The following WWOX variants were observed in gnomAD, a reference collection of about 807,000 sequenced individuals.
WWOX encodes WW domain containing oxidoreductase, also known as WW domain-containing oxidoreductase.
WWOX carries 69 observed loss-of-function variants against 46.2 expected under a neutral mutation model. The observed-to-expected ratio is 1.49, with a 90% CI of 1.23 to 1.82. The LOEUF (loss-of-function observed/expected upper bound fraction) is 1.82, where lower values mean the gene tolerates loss of function less well. WWOX is among the 40% of genes most tolerant of loss of function. WWOX has a pLI of 0.00. For synonymous variants in WWOX, 359 were observed against 202.6 expected (o/e 1.77, Z -6.56); for missense variants, 919 against 542.6 (o/e 1.69, Z -6.89).
chr16:78,394,536 C>T (rs2082244979), intron 6 of WWOX, among the ~76,000 whole-genome samples: 1 of 152,202 alleles, frequency 6.6e-6, no homozygotes, highest in Admixed American at 6.5e-5. Context: ...TTATATAATA[C>T]TTAGAAAAAT....
At chr16:78,755,217 A>AGGGG in intron 8 of WWOX, among the ~76,000 whole-genome samples, 1 of 138,568 alleles carries the variant, frequency 7.2e-6, no homozygotes, top group Middle Eastern at 3.7e-3. Flanking sequence ...AAGTGAAAGG[A>AGGGG]AAAAAAAAAG....
chr16:78,549,430 C>T (rs1165006302), intron 8 of WWOX, among the ~76,000 whole-genome samples: 2 of 152,070 alleles, frequency 1.3e-5, no homozygotes, highest in Admixed American at 6.6e-5. Context: ...TAATGTAATT[C>T]CCCCCTTTAA....
rs184961806 is a variant in WWOX, at chr16:78,201,263, G to C, written c.516+36974G>C. On this transcript the variant is annotated intron_variant, in intron 5 of 8. Transcript: ENST00000566780. ...GTCTGTTAAGACACTTATTTTTTGAGAAGACAAATTAATATAACATTATTA... is the reference window on the plus strand; with the variant it reads ...GTCTGTTAAGACACTTATTTTTTGACAAGACAAATTAATATAACATTATTA... Among the ~76,000 whole-genome samples, 220 of 152,266 alleles carry C rather than the reference G, an allele frequency of 1.4e-3. 1 individual carries two copies. Among genetic ancestry groups the C allele is most frequent in the Middle Eastern group, 6.8e-3 (2 of 294 alleles).
intron 8 of WWOX, among the ~76,000 whole-genome samples, chr16:78,887,121 TG>T (rs2044480678): frequency 9.0e-6 from 1 of 111,570 alleles, no homozygotes; most frequent in African/African-American, 2.8e-5. Flanking sequence ...TGTGTGTGTG[TG>T]TGTGTGTGTG....
At chr16:78,928,156 A>G (rs1179784976) in intron 8 of WWOX, among the ~76,000 whole-genome samples, 1 of 151,136 alleles carries the variant, frequency 6.6e-6, no homozygotes, top group African/African-American at 2.4e-5. Context: ...TAAACCCATG[A>G]GTTTAATAAT....
chr16:78,987,844 T>G (rs2046811023), intron 8 of WWOX, among the ~76,000 whole-genome samples: 1 of 152,194 alleles, frequency 6.6e-6, no homozygotes, highest in Non-Finnish European at 1.5e-5. Context: ...CCTTGCTGTT[T>G]AAACAGTGAA....
chr16:79,163,792 C>G (rs1322779960), intron 8 of WWOX, among the ~76,000 whole-genome samples: 2 of 55,396 alleles, frequency 3.6e-5, no homozygotes, highest in African/African-American at 3.4e-4. Flanking sequence ...CAAAACTCCA[C>G]CTCAAAAAAA....
At chr16:78,401,203 T>C (rs1765140605) in intron 6 of WWOX, among the ~76,000 whole-genome samples, 2 of 152,190 alleles carry the variant, frequency 1.3e-5, no homozygotes, top group Admixed American at 1.3e-4. Context: ...ATTTCAAATA[T>C]TTTTGCAAGA....
chr16:78,795,805 A>AT (rs2050721319), intron 8 of WWOX, among the ~76,000 whole-genome samples: 1 of 152,168 alleles, frequency 6.6e-6, no homozygotes, highest in African/African-American at 2.4e-5. Flanking sequence ...ATGGAATGAG[A>AT]TATTGAGTAT....
intron 8 of WWOX, among the ~76,000 whole-genome samples, chr16:78,814,779 C>A (rs1423348112): frequency 6.6e-6 from 1 of 152,196 alleles, no homozygotes; most frequent in Non-Finnish European, 1.5e-5. Context: ...CAGCCAAGGC[C>A]TTCTGGTTGA....
chr16:78,485,456 T>A (rs995105601), intron 8 of WWOX, among the ~76,000 whole-genome samples: 4 of 152,210 alleles, frequency 2.6e-5, no homozygotes, highest in African/African-American at 4.8e-5. Context: ...CAAACTCTCT[T>A]TCTTCCTCCC....
intron 5 of WWOX, among the ~76,000 whole-genome samples, chr16:78,266,263 T>A (rs987118130): frequency 6.6e-6 from 1 of 152,236 alleles, no homozygotes; most frequent in African/African-American, 2.4e-5. Context: ...ATTTCAGTGT[T>A]CATAACTAAA....
intron 8 of WWOX, among the ~76,000 whole-genome samples, chr16:78,887,244 C>G (rs528070289): frequency 2.0e-5 from 3 of 152,016 alleles, no homozygotes; most frequent in South Asian, 2.1e-4. Flanking sequence ...ATTGTCATGA[C>G]TGTAAAATGC....
chr16:78,862,266 A>T (rs537133702), intron 8 of WWOX, among the ~76,000 whole-genome samples: 1 of 151,266 alleles, frequency 6.6e-6, no homozygotes, highest in Non-Finnish European at 1.5e-5. Context: ...GTCTGTACCT[A>T]TACACACCTA....
chr16:78,971,326 G>T (rs1315434348), intron 8 of WWOX, among the ~76,000 whole-genome samples: 1 of 150,032 alleles, frequency 6.7e-6, no homozygotes, highest in East Asian at 1.9e-4. Flanking sequence ...TAGGTGGCAG[G>T]CACTTGTAAT....
At chr16:78,645,447 G>A (rs1159215963) in intron 8 of WWOX, among the ~76,000 whole-genome samples, 1 of 152,156 alleles carries the variant, frequency 6.6e-6, no homozygotes, top group African/African-American at 2.4e-5. Context: ...CCTGAGCTGG[G>A]TCATTTACAA....
chr16:78,465,402 A>T (rs952128773), intron 8 of WWOX, among the ~76,000 whole-genome samples: 2 of 152,030 alleles, frequency 1.3e-5, no homozygotes, highest in African/African-American at 4.8e-5. Context: ...CCACTCTCCA[A>T]CTCCTAAGCT....
At chr16:78,620,463 A>G (rs531353231) in intron 8 of WWOX, among the ~76,000 whole-genome samples, 56 of 152,284 alleles carry the variant, frequency 3.7e-4, no homozygotes, top group Admixed American at 2.6e-3. Flanking sequence ...TGGTCCCTGG[A>G]TGGGAGAAGA....
chr16:78,132,458 G>A (rs1020289362), intron 4 of WWOX, among the ~76,000 whole-genome samples: 2 of 152,228 alleles, frequency 1.3e-5, no homozygotes, highest in African/African-American at 2.4e-5. Flanking sequence ...CTGTGGTCAA[G>A]TTTAATTGCT....
Sources: allele counts gnomAD v4.1 joint callset (sites outside exome capture counted in the v4.1 genomes callset), GRCh38; gene constraint gnomAD v4.1.1; transcripts MANE v1.5; gene names NCBI Gene and HGNC (gene_info 2026-07-23, HGNC 2026-07-21).